Variants in STRN3 observed in about 807,000 individuals in gnomAD.
STRN3 encodes the protein striatin-3.
Under a neutral mutation model 95.6 loss-of-function variants are expected in STRN3, and 29 were observed. That is an observed-to-expected ratio of 0.30 (90% CI 0.23 to 0.41). The LOEUF is 0.41. STRN3 is among the 10% of genes least tolerant of loss of function. The pLI, the probability that STRN3 is intolerant of heterozygous loss-of-function variation, is 1.00. For synonymous variants in STRN3, 331 were observed against 357.6 expected (o/e 0.93, Z 0.84); for missense variants, 890 against 972.1 (o/e 0.92, Z 1.12).
Position 30,935,277 on chromosome 14 carries a change from G to C in STRN3, c.874C>G (p.Leu292Val), listed in dbSNP as rs1878763111. The change falls in exon 7 of 18, where the codon CTA becomes GTA. Residue 292 changes from leucine (L) to valine (V), a missense_variant. Coordinates refer to ENST00000357479, the MANE Select transcript of STRN3 (RefSeq NM_001083893.2). ...KIGNEGLAAD[L>V]TDDPDTEEAL... ...TCCTCAGTATCAGGATCGTCAGTTA[G>C]GTCAGCAGCTAAACCTTCATTACCT... 6.2e-7 allele frequency: 1 copy of C among 1,613,746 alleles called. No homozygotes were observed. Among genetic ancestry groups the C allele is most frequent in the African/African-American group, 1.3e-5 (1 of 74,848 alleles).
At chr14:30,971,666 C>T (rs752662347) in intron 1 of STRN3, among the ~76,000 whole-genome samples, 21 of 152,100 alleles carry the variant, frequency 1.4e-4, no homozygotes, top group Non-Finnish European at 2.9e-4. Context: ...CAAACAGCAC[C>T]GCCCCTAATA....
chr14:30,895,558 T>G lies in STRN3; in HGVS notation c.2247A>C (p.Leu749Phe). The G allele has an allele frequency of 6.2e-7, 1 of 1,613,872 alleles. No individual in the cohort carries two copies. The highest frequency in any genetic ancestry group is 8.5e-7 in the Non-Finnish European group (1 of 1,179,848). Reference protein sequence around the residue: ...MSGSHDCSIRLWNLDSKTCVQ... With the variant: ...MSGSHDCSIRFWNLDSKTCVQ... ...CACATGTCTTGCTGTCTAAATTCCA[T>G]AATCTGATGGAACAGTCATGGCCTG... is the stretch of plus-strand genomic sequence containing the variant. The change falls in exon 18 of 18, where the codon TTA becomes TTC. Residue 749 changes from leucine (L) to phenylalanine (F), a missense_variant. Leu to Phe is a conservative substitution (Grantham distance 22, BLOSUM62 0). Coordinates refer to ENST00000357479, the MANE Select transcript of STRN3 (RefSeq NM_001083893.2).
chr14:30,905,368 T>C (rs1446400272), intron 15 of STRN3, 50 bp downstream of exon 15: 5 of 1,503,262 alleles, frequency 3.3e-6, no homozygotes, highest in East Asian at 2.5e-5. Context: ...TCACCCTCTA[T>C]TGTGTAATAA....
intron 1 of STRN3, among the ~76,000 whole-genome samples, chr14:31,005,929 C>T (rs1882688951): frequency 6.6e-6 from 1 of 151,950 alleles, no homozygotes; most frequent in African/African-American, 2.4e-5. Context: ...AGCAGCCTGG[C>T]CAACATGGTG....
Position 31,025,971 on chromosome 14 carries a change from A to G in STRN3, c.215T>C (p.Ile72Thr), listed in dbSNP as rs1290696848. Residue 72 changes from isoleucine (I) to threonine (T), a missense_variant, in exon 1 of 18, where the codon ATC becomes ACC. Physicochemically the swap from Ile to Thr is moderately conservative, Grantham distance 89. Coordinates refer to ENST00000357479, the MANE Select transcript of STRN3 (RefSeq NM_001083893.2). ...QYTIPGILHY[I>T]QHEWARFEME... ...CTCGAACCGAGCCCACTCGTGCTGG[A>G]TGTAGTGCAGTATCCCCGGGATAGT... 6.3e-7 allele frequency: 1 copy of G among 1,583,892 alleles called. No homozygotes were observed. The highest frequency in any genetic ancestry group is 8.6e-7 in the Non-Finnish European group (1 of 1,166,066).
At chr14:30,975,255 A>C (rs1174122914) in intron 1 of STRN3, among the ~76,000 whole-genome samples, 1 of 151,414 alleles carries the variant, frequency 6.6e-6, no homozygotes, top group Non-Finnish European at 1.5e-5. Context: ...CATTTGCAGC[A>C]ATCTGGATGG....
intron 7 of STRN3, among the ~76,000 whole-genome samples, chr14:30,934,695 G>A (rs1372867596): frequency 6.6e-6 from 1 of 152,014 alleles, no homozygotes. Context: ...AGGATGAGTA[G>A]CTTTATTCTT....
chr14:31,026,367 C>G lies in STRN3; in HGVS notation c.-182G>C. 1.9e-6 allele frequency: 1 copy of G among 520,310 alleles called. No homozygotes were observed. Among genetic ancestry groups the G allele is most frequent in the Non-Finnish European group, 3.1e-6 (1 of 321,470 alleles). 32.2% of individuals were successfully genotyped at this position (520,310 alleles called of 1,614,324 possible). A position where few individuals can be genotyped will look rare whatever the true frequency, so the allele number is the denominator to read the frequency against. On this transcript the variant is annotated 5_prime_UTR_variant, in exon 1 of 18. Transcript: ENST00000357479. ...AGCTGCCGGCTGCCGCCATTACAATCCCTCCTCCATCTGCCCGTCTCACTC... is the reference window on the plus strand; with the variant it reads ...AGCTGCCGGCTGCCGCCATTACAATGCCTCCTCCATCTGCCCGTCTCACTC...
At chr14:30,924,672 A>G (rs1407449733) in intron 8 of STRN3, among the ~76,000 whole-genome samples, 2 of 152,062 alleles carry the variant, frequency 1.3e-5, no homozygotes, top group Non-Finnish European at 2.9e-5. Flanking sequence ...CGCCTGGGCA[A>G]CATACAGAGA....
In STRN3 at chr14:30,907,013, A is replaced by T; in HGVS notation, c.1752T>A (p.Gly584=). ...CAAGACCCCAAACTGCATCTGTATG[A>T]CCAACTAAAGTGCCAGCTAGAACAT... The part of the protein sequence containing the change: ...EPNVLAGTLV[G]HTDAVWGLAY... Residue 584 remains glycine, a synonymous_variant, in exon 14 of 18, where the codon GGT becomes GGA. Coordinates refer to ENST00000357479, the MANE Select transcript of STRN3 (RefSeq NM_001083893.2). 1 of 1,613,742 alleles carries T rather than the reference A, an allele frequency of 6.2e-7. No individual in the cohort carries two copies.
chr14:30,961,093 T>C (rs908802668), intron 1 of STRN3, among the ~76,000 whole-genome samples: 3 of 152,060 alleles, frequency 2.0e-5, no homozygotes, highest in African/African-American at 7.2e-5. Flanking sequence ...TAAAAATTCA[T>C]TACAATTTAA....
intron 5 of STRN3, among the ~76,000 whole-genome samples, chr14:30,939,807 A>T (rs549235527): frequency 1.6e-4 from 24 of 152,250 alleles, no homozygotes; most frequent in African/African-American, 5.5e-4. Flanking sequence ...TAACATGCTC[A>T]GATTGCTATT....
intron 13 of STRN3, among the ~76,000 whole-genome samples, chr14:30,908,028 T>C (rs919540150): frequency 9.2e-5 from 14 of 152,202 alleles, no homozygotes; most frequent in Admixed American, 3.9e-4. Flanking sequence ...ATCTTCTTGC[T>C]GCGTAATATA....
At chr14:31,021,842 C>G (rs536958579) in intron 1 of STRN3, among the ~76,000 whole-genome samples, 1 of 152,232 alleles carries the variant, frequency 6.6e-6, no homozygotes, top group South Asian at 2.1e-4. Flanking sequence ...AGCGAAAAGG[C>G]AGACTACAGA....
At chr14:31,019,397 C>T (rs921945099) in intron 1 of STRN3, among the ~76,000 whole-genome samples, 1 of 152,040 alleles carries the variant, frequency 6.6e-6, no homozygotes, top group African/African-American at 2.4e-5. Context: ...GATCATGAGT[C>T]GTTGCTGTTT....
At chr14:30,979,998 CA>C (rs5807609) in intron 1 of STRN3, among the ~76,000 whole-genome samples, 96,232 of 151,654 alleles carry the variant, frequency 0.63, 31,537 homozygotes, top group Non-Finnish European at 0.73. Context: ...CCTGTAATCC[CA>C]ACCACCTTGG....
chr14:30,914,858 TA>T (rs1283025025), intron 9 of STRN3, among the ~76,000 whole-genome samples: 1 of 152,236 alleles, frequency 6.6e-6, no homozygotes, highest in African/African-American at 2.4e-5. Flanking sequence ...CTTTTCATGT[TA>T]ATATTAACAG....
chr14:30,900,367 A>T (rs994180804), intron 16 of STRN3, among the ~76,000 whole-genome samples: 12 of 150,290 alleles, frequency 8.0e-5, no homozygotes, highest in Admixed American at 7.9e-4. Context: ...CTCAAAAAAA[A>T]AAAAAAAACC....
chr14:30,971,147 T>C (rs1386257866), intron 1 of STRN3, among the ~76,000 whole-genome samples: 2 of 152,114 alleles, frequency 1.3e-5, no homozygotes, highest in Admixed American at 6.5e-5. Flanking sequence ...TAAGAGCTTA[T>C]CAATCAGTCA....
Sources: gnomAD v4.1 joint callset for allele counts (sites outside exome capture counted in the v4.1 genomes callset) on GRCh38, gnomAD v4.1.1 for gene constraint, MANE v1.5 for transcripts, NCBI Gene and HGNC (gene_info 2026-07-23, HGNC 2026-07-21) for gene names.